The following HPSE2 variants were observed in gnomAD, a reference collection of about 807,000 sequenced individuals.
HPSE2 encodes the protein heparanase 2 (inactive).
A neutral mutation model predicts 60.5 loss-of-function variants in HPSE2; 38 were observed. The ratio of observed to expected loss-of-function variants is 0.63; its 90% confidence interval spans 0.48 to 0.82. The LOEUF is 0.82. HPSE2 is among the 40% of genes least tolerant of loss of function. The pLI is 0.00. For missense variants in HPSE2, 713 were observed against 740.4 expected (o/e 0.96, Z 0.43); for synonymous variants, 295 against 293.2 (o/e 1.01, Z -0.06).
chr10:98,873,768 T>C (rs1473373596), intron 3 of HPSE2, among the ~76,000 whole-genome samples: 2 of 152,140 alleles, frequency 1.3e-5, no homozygotes, highest in Admixed American at 1.3e-4. Flanking sequence ...TTTCTCGTTC[T>C]AGATCTTTGA....
chr10:98,646,885 C>T (rs1390149819), intron 6 of HPSE2, among the ~76,000 whole-genome samples: 1 of 152,140 alleles, frequency 6.6e-6, no homozygotes, highest in Non-Finnish European at 1.5e-5. Context: ...ATAAGCACAA[C>T]ACCTAGAGAA....
At chr10:98,592,340 T>C (rs1945113592) in intron 9 of HPSE2, among the ~76,000 whole-genome samples, 1 of 152,226 alleles carries the variant, frequency 6.6e-6, no homozygotes, top group African/African-American at 2.4e-5. Context: ...TTCTGTCACA[T>C]GGACCATGCC....
At chr10:99,142,290 C>G (rs1218626997) in intron 3 of HPSE2, among the ~76,000 whole-genome samples, 1 of 152,108 alleles carries the variant, frequency 6.6e-6, no homozygotes, top group African/African-American at 2.4e-5. Flanking sequence ...GTCTGGAGAC[C>G]ATGTTCTCAA....
At chr10:98,983,709 G>C (rs556998354) in intron 3 of HPSE2, among the ~76,000 whole-genome samples, 2 of 152,232 alleles carry the variant, frequency 1.3e-5, no homozygotes, top group Non-Finnish European at 2.9e-5. Context: ...CCTCACCCGG[G>C]AAGTGCAAGG....
chr10:98,965,449 AC>A (rs962086499), intron 3 of HPSE2, among the ~76,000 whole-genome samples: 4 of 151,826 alleles, frequency 2.6e-5, no homozygotes, highest in African/African-American at 4.8e-5. Flanking sequence ...AAAAAAAAAA[AC>A]AACTGACATG....
At chr10:98,822,022 G>A (rs1387130808) in intron 3 of HPSE2, among the ~76,000 whole-genome samples, 1 of 152,122 alleles carries the variant, frequency 6.6e-6, no homozygotes, top group Admixed American at 6.6e-5. Context: ...CAAATTTACG[G>A]TATGGTCCCA....
At chr10:98,703,203 G>A (rs959908924) in intron 5 of HPSE2, among the ~76,000 whole-genome samples, 1 of 152,080 alleles carries the variant, frequency 6.6e-6, no homozygotes, top group African/African-American at 2.4e-5. Flanking sequence ...TACATTCCTG[G>A]AAACATATAC....
chr10:99,136,056 T>C (rs747986670), intron 3 of HPSE2, among the ~76,000 whole-genome samples: 1 of 152,074 alleles, frequency 6.6e-6, no homozygotes, highest in Non-Finnish European at 1.5e-5. Flanking sequence ...ATATAGGTGA[T>C]ATCACCACCG....
At chr10:98,565,687 C>T (rs748501870) in intron 9 of HPSE2, among the ~76,000 whole-genome samples, 14 of 152,154 alleles carry the variant, frequency 9.2e-5, no homozygotes, top group Non-Finnish European at 1.8e-4. Flanking sequence ...TTTGGGTATA[C>T]ACCCAGTAAT....
chr10:99,159,233 A>G (rs1846721311), intron 2 of HPSE2, among the ~76,000 whole-genome samples: 1 of 152,164 alleles, frequency 6.6e-6, no homozygotes, highest in East Asian at 1.9e-4. Context: ...ATTTGAAAAG[A>G]TTAATACAAC....
At chr10:98,960,701 C>A (rs1446381221) in intron 3 of HPSE2, among the ~76,000 whole-genome samples, 1 of 57,560 alleles carries the variant, frequency 1.7e-5, no homozygotes, top group South Asian at 6.0e-4. Flanking sequence ...ATGTACATTT[C>A]TTTTTTTTTT....
At chr10:98,594,571 G>C (rs78760624) in intron 9 of HPSE2, among the ~76,000 whole-genome samples, 3,826 of 152,062 alleles carry the variant, frequency 0.025, 170 homozygotes, top group African/African-American at 0.086. Context: ...TGTGTGCCTA[G>C]CTTATTTCAC....
chr10:98,724,521 G>C (rs922289263), intron 4 of HPSE2, among the ~76,000 whole-genome samples: 10 of 152,146 alleles, frequency 6.6e-5, no homozygotes, highest in African/African-American at 9.7e-5. Context: ...GGATATCCTT[G>C]TTAACTTTCT....
At chr10:98,596,162 C>T (rs901233393) in intron 9 of HPSE2, among the ~76,000 whole-genome samples, 1 of 152,074 alleles carries the variant, frequency 6.6e-6, no homozygotes, top group Non-Finnish European at 1.5e-5. Context: ...CTATATTTTC[C>T]TTTCCCTTTT....
rs1849188619 is a variant in HPSE2, at chr10:99,217,929, T to C, written c.448+14419A>G. Among the ~76,000 whole-genome samples, 3 of 152,072 alleles carry C rather than the reference T, an allele frequency of 2.0e-5. No individual in the cohort carries two copies. The South Asian group carries it at 6.2e-4, about 32-fold the overall frequency. On this transcript the variant is annotated intron_variant, in intron 2 of 11. Coordinates refer to ENST00000370552, the MANE Select transcript of HPSE2 (RefSeq NM_021828.5). ...CCCCTAGCTAATACTAATGGACAGC[T>C]AGAGTTGGGAACCACTGATTAACTT...
At chr10:98,576,620 C>A (rs912735979) in intron 9 of HPSE2, among the ~76,000 whole-genome samples, 3 of 151,992 alleles carry the variant, frequency 2.0e-5, no homozygotes. Context: ...CACTGTCAGA[C>A]CCCCTGTGTT....
chr10:98,765,323 A>T (rs1950096274), intron 3 of HPSE2, among the ~76,000 whole-genome samples: 1 of 152,358 alleles, frequency 6.6e-6, no homozygotes, highest in South Asian at 2.1e-4. Context: ...CCATAATGGC[A>T]TTAACCCAGA....
intron 3 of HPSE2, among the ~76,000 whole-genome samples, chr10:99,114,931 A>G (rs901191936): frequency 6.6e-6 from 1 of 151,334 alleles, no homozygotes; most frequent in Non-Finnish European, 1.5e-5. Context: ...AAGAAGAAGA[A>G]GAAGAACATG....
intron 3 of HPSE2, among the ~76,000 whole-genome samples, chr10:98,982,254 T>C (rs988514088): frequency 2.6e-5 from 4 of 152,188 alleles, no homozygotes; most frequent in Non-Finnish European, 5.9e-5. Flanking sequence ...AGATGCTCTC[T>C]TGTGAGGAAT....
Sources: gnomAD v4.1 joint callset for allele counts (sites outside exome capture counted in the v4.1 genomes callset) on GRCh38, gnomAD v4.1.1 for gene constraint, MANE v1.5 for transcripts, NCBI Gene and HGNC (gene_info 2026-07-23, HGNC 2026-07-21) for gene names.